AP4S1: variants seen among roughly 807,000 people sequenced by gnomAD.
AP4S1 encodes AP-4 complex subunit sigma-1.
In AP4S1, 23 loss-of-function variants were observed where a neutral mutation model predicts 19.8. That is an observed-to-expected ratio of 1.16 (90% confidence interval 0.84 to 1.65). The LOEUF is 1.65. Ranked by LOEUF, AP4S1 falls within the 40% of genes most tolerant of loss-of-function variation. AP4S1 has a pLI of 0.00. For missense variants in AP4S1, 166 were observed against 172.8 expected (o/e 0.96, Z 0.22); for synonymous variants, 46 against 54.1 (o/e 0.85, Z 0.66).
At chr14:31,044,693 T>C (rs967452731) in intron 1 of AP4S1, among the ~76,000 whole-genome samples, 1 of 151,834 alleles carries the variant, frequency 6.6e-6, no homozygotes, top group Non-Finnish European at 1.5e-5. Context: ...GGGGTCTTGC[T>C]ATGTTTTTCA....
intron 1 of AP4S1, 44 bp downstream of exon 1, chr14:31,025,831 G>T: frequency 1.3e-6 from 2 of 1,538,506 alleles, no homozygotes; most frequent in Non-Finnish European, 8.7e-7. Context: ...CCGGCTGAGT[G>T]GAGTCCCCAG....
intron 1 of AP4S1, among the ~76,000 whole-genome samples, chr14:31,062,901 A>G: frequency 6.6e-6 from 1 of 151,876 alleles, no homozygotes; most frequent in African/African-American, 2.4e-5. Context: ...CGGGAGGCGG[A>G]GCTTGCAGTG....
intron 1 of AP4S1, among the ~76,000 whole-genome samples, chr14:31,039,868 C>T (rs1431739913): frequency 5.9e-5 from 9 of 152,052 alleles, no homozygotes; most frequent in African/African-American, 1.7e-4. Context: ...GGATTACAGG[C>T]GTGAGCCACC....
intron 5 of AP4S1, among the ~76,000 whole-genome samples, chr14:31,089,984 A>C (rs972753775): frequency 5.9e-5 from 9 of 152,070 alleles, no homozygotes; most frequent in African/African-American, 2.2e-4. Flanking sequence ...TTTTATTTTC[A>C]TTTTTATTTA....
chr14:31,080,434 C>G, intron 4 of AP4S1, 139 bp from the exon 5 acceptor site: 1 of 715,074 alleles, frequency 1.4e-6, no homozygotes, highest in South Asian at 1.5e-5. Flanking sequence ...CAGAGTCAGA[C>G]TGCTGTGGCC....
chr14:31,033,848 T>C (rs949932258), intron 1 of AP4S1, among the ~76,000 whole-genome samples: 1 of 152,182 alleles, frequency 6.6e-6, no homozygotes, highest in Non-Finnish European at 1.5e-5. Context: ...CTGTATAAAA[T>C]TGTAGTCCAA....
intron 1 of AP4S1, among the ~76,000 whole-genome samples, chr14:31,043,126 C>T (rs768153614): frequency 1.3e-4 from 19 of 151,632 alleles, no homozygotes; most frequent in Middle Eastern, 3.4e-3. Flanking sequence ...GAAACTGAGG[C>T]GGGAGAATCG....
intron 5 of AP4S1, chr14:31,085,525 G>T: frequency 1.0e-6 from 1 of 985,202 alleles, no homozygotes; most frequent in South Asian, 4.7e-5. Context: ...AGTAATCCCA[G>T]CACTTTGGAG....
intron 1 of AP4S1, among the ~76,000 whole-genome samples, chr14:31,062,215 C>T (rs1238810125): frequency 6.6e-6 from 1 of 152,156 alleles, no homozygotes; most frequent in Non-Finnish European, 1.5e-5. Flanking sequence ...TCTCCTGCCT[C>T]AGGCTCCCAA....
intron 1 of AP4S1, among the ~76,000 whole-genome samples, chr14:31,053,113 G>T (rs1341377411): frequency 2.0e-5 from 3 of 151,754 alleles, no homozygotes; most frequent in Non-Finnish European, 4.4e-5. Context: ...GCTAATTTTT[G>T]TACTTTTATT....
At chr14:31,051,127 A>C (rs1287652293) in intron 1 of AP4S1, among the ~76,000 whole-genome samples, 2 of 151,826 alleles carry the variant, frequency 1.3e-5, no homozygotes, top group African/African-American at 4.8e-5. Context: ...GTGGTGGTGC[A>C]TGCCTGTGGT....
chr14:31,060,149 C>T (rs2139541787), intron 1 of AP4S1, among the ~76,000 whole-genome samples: 1 of 151,358 alleles, frequency 6.6e-6, no homozygotes, highest in East Asian at 1.9e-4. Flanking sequence ...ATACAGTTGA[C>T]TCTTGAACAA....
intron 1 of AP4S1, among the ~76,000 whole-genome samples, chr14:31,063,994 C>T (rs1235631357): frequency 6.6e-6 from 1 of 152,172 alleles, no homozygotes; most frequent in East Asian, 1.9e-4. Context: ...GACCAGCCAG[C>T]TCTGGTGGTC....
intron 1 of AP4S1, among the ~76,000 whole-genome samples, chr14:31,048,114 A>G (rs944357189): frequency 7.8e-4 from 103 of 132,008 alleles, no homozygotes; most frequent in Non-Finnish European, 1.4e-3. Flanking sequence ...TTTTTTTGAG[A>G]TGGAGTTTTG....
At chr14:31,048,962 C>T (rs1272024670) in intron 1 of AP4S1, among the ~76,000 whole-genome samples, 2 of 151,536 alleles carry the variant, frequency 1.3e-5, no homozygotes, top group African/African-American at 4.8e-5. Context: ...TCTAGAGAAC[C>T]CTGACTAATG....
rs1887833220 is a variant in AP4S1, at chr14:31,084,678, G to T, written c.306+4094G>T. On this transcript the variant is annotated intron_variant, in intron 5 of 5. Coordinates refer to ENST00000542754, the MANE Select transcript of AP4S1 (RefSeq NM_001128126.3). ...GAAGTGAGGCCTGAAGATTTGTGAA[G>T]CCTGTTTCTACAGGGAGACTTTGCC... 4.4e-6 allele frequency: 7 copies of T among 1,584,256 alleles called. 1 individual carries two copies. The South Asian group carries it at 5.7e-5, about 13-fold the overall frequency.
chr14:31,081,972 C>A (rs1887661230), intron 5 of AP4S1, among the ~76,000 whole-genome samples: 1 of 152,242 alleles, frequency 6.6e-6, no homozygotes, highest in African/African-American at 2.4e-5. Context: ...GCTGGGATTA[C>A]AGGCGTGAGC....
intron 3 of AP4S1, 30 bp downstream of exon 3, chr14:31,069,959 G>A: frequency 6.5e-7 from 1 of 1,546,988 alleles, no homozygotes; most frequent in Non-Finnish European, 8.9e-7. Context: ...CTTGGAAAAT[G>A]CAAGAATTTC....
At chr14:31,071,791 C>A (rs1253049747) in intron 3 of AP4S1, among the ~76,000 whole-genome samples, 1 of 152,122 alleles carries the variant, frequency 6.6e-6, no homozygotes, top group Non-Finnish European at 1.5e-5. Flanking sequence ...CTCACTGCAG[C>A]CTTGACCTCC....
Sources: gnomAD v4.1 joint callset for allele counts (sites outside exome capture counted in the v4.1 genomes callset) on GRCh38, gnomAD v4.1.1 for gene constraint, MANE v1.5 for transcripts, NCBI Gene and HGNC (gene_info 2026-07-23, HGNC 2026-07-21) for gene names.